SYT16: variants seen among roughly 807,000 people sequenced by gnomAD.
SYT16 encodes the protein synaptotagmin 16.
Under a neutral mutation model 61.4 loss-of-function variants are expected in SYT16, and 42 were observed. That is an observed-to-expected ratio of 0.68 (90% CI 0.53 to 0.89). SYT16 has a LOEUF of 0.89. Among genes scored for constraint, SYT16 ranks in the 40% least tolerant of loss-of-function variants. SYT16 has a pLI of 0.00. For synonymous variants in SYT16, 314 were observed against 302.3 expected (o/e 1.04, Z -0.40); for missense variants, 804 against 807.3 (o/e 1.00, Z 0.05).
At chr14:61,901,623 C>A (rs1163720384) in intron 1 of SYT16, among the ~76,000 whole-genome samples, 1 of 152,010 alleles carries the variant, frequency 6.6e-6, no homozygotes, top group Non-Finnish European at 1.5e-5. Context: ...ATTAGTTGAG[C>A]CTGCTTGATC....
chr14:61,964,848 C>T (rs886316276), intron 1 of SYT16, among the ~76,000 whole-genome samples: 1 of 151,790 alleles, frequency 6.6e-6, no homozygotes, highest in African/African-American at 2.4e-5. Flanking sequence ...ATTGAGACAT[C>T]CTCCATAAAT....
chr14:62,000,401 G>A (rs2052963058), intron 3 of SYT16, among the ~76,000 whole-genome samples: 1 of 151,530 alleles, frequency 6.6e-6, no homozygotes, highest in African/African-American at 2.4e-5. Context: ...CTTTTGATTA[G>A]TGTTGACATG....
intron 1 of SYT16, among the ~76,000 whole-genome samples, chr14:61,915,257 T>G (rs2049076936): frequency 6.6e-6 from 1 of 152,158 alleles, no homozygotes; most frequent in South Asian, 2.1e-4. Context: ...GGTATAGCAG[T>G]GATGGCAACA....
chr14:61,995,309 T>C (rs2052719821), intron 2 of SYT16, among the ~76,000 whole-genome samples: 1 of 152,110 alleles, frequency 6.6e-6, no homozygotes, highest in Admixed American at 6.6e-5. Context: ...TTCAGTAAGC[T>C]AGATAATCCA....
intron 1 of SYT16, among the ~76,000 whole-genome samples, chr14:61,908,586 C>T (rs2048810925): frequency 6.6e-6 from 1 of 152,134 alleles, no homozygotes; most frequent in African/African-American, 2.4e-5. Flanking sequence ...CCTAATTTTT[C>T]TTAATGAACA....
intron 2 of SYT16, among the ~76,000 whole-genome samples, chr14:61,982,602 G>A (rs544398734): frequency 3.9e-5 from 6 of 152,114 alleles, no homozygotes; most frequent in African/African-American, 1.4e-4. Context: ...AGTTCAAGAA[G>A]AGATTTGGGT....
intron 7 of SYT16, among the ~76,000 whole-genome samples, chr14:62,090,391 A>C (rs937877210): frequency 2.0e-5 from 3 of 152,248 alleles, no homozygotes; most frequent in African/African-American, 7.2e-5. Context: ...AAAGGAAAGA[A>C]AAACAAGCAA....
At chr14:62,029,871 T>C (rs778986215) in intron 3 of SYT16, among the ~76,000 whole-genome samples, 36 of 152,220 alleles carry the variant, frequency 2.4e-4, no homozygotes, top group Non-Finnish European at 3.2e-4. Context: ...CACATTGATA[T>C]GTTTGTGTGT....
At chr14:61,943,341 C>T (rs8012402) in intron 1 of SYT16, among the ~76,000 whole-genome samples, 18,623 of 152,092 alleles carry the variant, frequency 0.12, 2,218 homozygotes, top group African/African-American at 0.31. Flanking sequence ...AAAACTATTC[C>T]GAACAATAGA....
intron 1 of SYT16, among the ~76,000 whole-genome samples, chr14:61,912,286 A>G (rs1185332299): frequency 6.6e-6 from 1 of 152,226 alleles, no homozygotes; most frequent in African/African-American, 2.4e-5. Context: ...TCTTTAAAAA[A>G]TCAGAGGATA....
chr14:61,920,025 T>C lies in SYT16; in HGVS notation c.-324-50107T>C, dbSNP rs1290395907. ...CCTCTCAATTTATGCTCAGAAAGTA[T>C]TGAACTGCTGGAGATTTCTGCATGC... On this transcript the variant is annotated intron_variant, in intron 1 of 7. Coordinates refer to ENST00000683842, the MANE Select transcript of SYT16 (RefSeq NM_001367656.1). Among the ~76,000 whole-genome samples the C allele has an allele frequency of 1.3e-5, 2 of 152,174 alleles. 1 individual carries two copies. Among genetic ancestry groups the C allele is most frequent in the African/African-American group, 4.8e-5 (2 of 41,450 alleles).
intron 2 of SYT16, among the ~76,000 whole-genome samples, chr14:61,978,137 A>G (rs1041910340): frequency 7.9e-5 from 12 of 152,184 alleles, no homozygotes; most frequent in Admixed American, 5.2e-4. Context: ...ATCTGCAATG[A>G]AAGACCCTTT....
At chr14:62,070,352 C>T (rs531154492) in intron 4 of SYT16, among the ~76,000 whole-genome samples, 2 of 152,234 alleles carry the variant, frequency 1.3e-5, no homozygotes, top group South Asian at 2.1e-4. Flanking sequence ...CTTTTTCAAA[C>T]AGCACATGCC....
intron 3 of SYT16, among the ~76,000 whole-genome samples, chr14:62,037,600 G>T (rs2086881220): frequency 6.6e-6 from 1 of 152,164 alleles, no homozygotes; most frequent in Admixed American, 6.5e-5. Context: ...TTATCTCTCT[G>T]TTAGTTTGAA....
At chr14:61,867,830 A>G (rs1273486190) in intron 1 of SYT16, among the ~76,000 whole-genome samples, 2 of 152,044 alleles carry the variant, frequency 1.3e-5, no homozygotes, top group East Asian at 1.9e-4. Context: ...AAGTTGAGGC[A>G]GTTTCCTTCT....
intron 1 of SYT16, among the ~76,000 whole-genome samples, chr14:61,841,473 G>A (rs571031781): frequency 1.3e-5 from 2 of 151,978 alleles, no homozygotes; most frequent in South Asian, 2.1e-4. Flanking sequence ...CATTTAAAAG[G>A]TTTTTAAAAA....
At chr14:61,984,177 A>G (rs986717129) in intron 2 of SYT16, among the ~76,000 whole-genome samples, 15 of 152,170 alleles carry the variant, frequency 9.9e-5, no homozygotes, top group African/African-American at 3.6e-4. Flanking sequence ...CTGCCCCTAA[A>G]CAATTAATGC....
chr14:61,888,021 A>T (rs996348055), intron 1 of SYT16, among the ~76,000 whole-genome samples: 19 of 151,540 alleles, frequency 1.3e-4, no homozygotes, highest in African/African-American at 4.4e-4. Context: ...CAGCTTTATC[A>T]TTTTTATCTT....
Position 61,996,198 on chromosome 14 carries a change from T to C in SYT16, c.179T>C (p.Ile60Thr), listed in dbSNP as rs2140630882. The C allele has an allele frequency of 6.2e-7, 1 of 1,613,516 alleles. No individual in the cohort carries two copies. Among genetic ancestry groups the C allele is most frequent in the Middle Eastern group, 1.7e-4 (1 of 6,054 alleles). Residue 60 changes from isoleucine to threonine, a missense_variant, in exon 3 of 8, where the codon ATT (isoleucine) becomes ACT (threonine). Transcript: ENST00000683842. ...AAACTAGATCAGGACTTAGATAATA[T>C]TCAGATTCAGGAAACGTACTTTGAA... ...SDKLDQDLDN[I>T]QIQETYFEDE...
Sources: gnomAD v4.1 joint callset for allele counts (sites outside exome capture counted in the v4.1 genomes callset) on GRCh38, gnomAD v4.1.1 for gene constraint, MANE v1.5 for transcripts, NCBI Gene and HGNC (gene_info 2026-07-23, HGNC 2026-07-21) for gene names.